RBM47: variants seen among roughly 807,000 people sequenced by gnomAD.
RBM47 encodes RNA binding motif protein 47.
A neutral mutation model predicts 47.1 loss-of-function variants in RBM47; 21 were observed. That is an observed-to-expected ratio of 0.45 (90% CI 0.32 to 0.64). The LOEUF is 0.64. Among genes scored for constraint, RBM47 ranks in the 30% least tolerant of loss-of-function variants. The probability of loss-of-function intolerance (pLI) is 0.05; values close to 1 mark genes in which losing one functional copy is unlikely to be tolerated. For missense variants in RBM47, 708 were observed against 870.9 expected (o/e 0.81, Z 2.35); for synonymous variants, 375 against 361.7 (o/e 1.04, Z -0.42).
At chr4:40,494,614 T>C (rs1455542921) in intron 2 of RBM47, among the ~76,000 whole-genome samples, 3 of 152,126 alleles carry the variant, frequency 2.0e-5, no homozygotes, top group Admixed American at 6.5e-5. Flanking sequence ...AGCACCGCAT[T>C]GAGACGAGGG....
At chr4:40,456,472 A>T (rs1372570507) in intron 3 of RBM47, among the ~76,000 whole-genome samples, 2 of 151,572 alleles carry the variant, frequency 1.3e-5, no homozygotes, top group East Asian at 3.9e-4. Flanking sequence ...TTATAGATAT[A>T]TATTTCCTGT....
chr4:40,601,131 A>C (rs987623782), intron 1 of RBM47, among the ~76,000 whole-genome samples: 2 of 152,174 alleles, frequency 1.3e-5, no homozygotes, highest in African/African-American at 4.8e-5. Flanking sequence ...GAAGAAGCAT[A>C]GCAACTGAAC....
At chr4:40,573,807 A>AAG (rs1553903539) in intron 1 of RBM47, among the ~76,000 whole-genome samples, 5 of 136,658 alleles carry the variant, frequency 3.7e-5, no homozygotes, top group Non-Finnish European at 6.1e-5. Context: ...GAAAGAAAGA[A>AAG]AAAGAAAGAA....
At chr4:40,614,192 A>C (rs1268530914) in intron 1 of RBM47, among the ~76,000 whole-genome samples, 4 of 152,132 alleles carry the variant, frequency 2.6e-5, no homozygotes, top group Non-Finnish European at 5.9e-5. Context: ...CTAACCCAGC[A>C]TTATTTCCTT....
intron 1 of RBM47, among the ~76,000 whole-genome samples, chr4:40,624,860 C>CTTTTTTT (rs1172791380): frequency 3.2e-3 from 376 of 119,334 alleles, no homozygotes; most frequent in Middle Eastern, 5.5e-3. Context: ...TTTTCTTTTT[C>CTTTTTTT]TTTTTTTTTT....
At chr4:40,521,152 ATTTTAT>A (rs934918630) in intron 2 of RBM47, among the ~76,000 whole-genome samples, 1 of 151,874 alleles carries the variant, frequency 6.6e-6, no homozygotes, top group Non-Finnish European at 1.5e-5. Flanking sequence ...TATTAATTTT[ATTTTAT>A]TTTTTATTTC....
chr4:40,509,092 T>C (rs1724517991), intron 2 of RBM47, among the ~76,000 whole-genome samples: 1 of 151,864 alleles, frequency 6.6e-6, no homozygotes, highest in Non-Finnish European at 1.5e-5. Context: ...TCTGGGAAGC[T>C]GAGGTTGTAG....
At chr4:40,436,387 G>T in intron 5 of RBM47, 54 bp downstream of exon 5, 1 of 1,539,018 alleles carries the variant, frequency 6.5e-7, no homozygotes, top group Non-Finnish European at 8.9e-7. Context: ...ACTTCAAACA[G>T]AAGGGCTGGG....
At chr4:40,484,637 T>C (rs1029078363) in intron 2 of RBM47, among the ~76,000 whole-genome samples, 10 of 152,224 alleles carry the variant, frequency 6.6e-5, no homozygotes, top group Non-Finnish European at 1.2e-4. Context: ...GACAAATCAC[T>C]GCATAATTTC....
intron 3 of RBM47, among the ~76,000 whole-genome samples, chr4:40,451,892 A>G (rs568016350): frequency 9.2e-5 from 14 of 152,274 alleles, no homozygotes; most frequent in African/African-American, 3.1e-4. Context: ...AGGGGAGGCC[A>G]GGAACAGTGG....
chr4:40,473,867 A>T (rs1719253318), intron 2 of RBM47, among the ~76,000 whole-genome samples: 1 of 152,264 alleles, frequency 6.6e-6, no homozygotes, highest in Non-Finnish European at 1.5e-5. Context: ...AAAGAAAATG[A>T]ACATACTAAC....
intron 2 of RBM47, among the ~76,000 whole-genome samples, chr4:40,521,640 G>C (rs941493084): frequency 2.6e-5 from 4 of 152,156 alleles, no homozygotes; most frequent in Non-Finnish European, 5.9e-5. Flanking sequence ...AGAGTCACAG[G>C]CTACATTACT....
Position 40,438,099 on chromosome 4 carries a change from G to T in RBM47, c.795C>A (p.Ser265Arg). 1 of 1,613,796 alleles carries T rather than the reference G, an allele frequency of 6.2e-7. No homozygotes were observed. Reference protein sequence around the residue: ...IETTEDTIKKSFGQFNPGCVE... With the variant: ...IETTEDTIKKRFGQFNPGCVE... Reference sequence around the variant, plus strand: ...CGCAGCCGGGGTTGAACTGGCCGAAGCTCTTCTTGATGGTGTCCTCGGTGG... The same window carrying T: ...CGCAGCCGGGGTTGAACTGGCCGAATCTCTTCTTGATGGTGTCCTCGGTGG... Residue 265 changes from serine to arginine, a missense_variant, in exon 4 of 7, where the codon AGC becomes AGA. By Grantham distance (110) the Ser-to-Arg change is moderately radical. Coordinates refer to ENST00000295971, the MANE Select transcript of RBM47 (RefSeq NM_001098634.2).
At chr4:40,563,427 T>C (rs1387135089) in intron 1 of RBM47, among the ~76,000 whole-genome samples, 1 of 105,614 alleles carries the variant, frequency 9.5e-6, no homozygotes, top group Non-Finnish European at 1.7e-5. Context: ...TCAAACTCTG[T>C]GCTTGTATTA....
chr4:40,550,080 C>T (rs1034397325), intron 1 of RBM47, among the ~76,000 whole-genome samples: 7 of 152,210 alleles, frequency 4.6e-5, no homozygotes, highest in African/African-American at 1.7e-4. Context: ...AGGATAACCA[C>T]CACCACAGCC....
At chr4:40,533,624 AT>A (rs1727626030) in intron 2 of RBM47, among the ~76,000 whole-genome samples, 1 of 151,820 alleles carries the variant, frequency 6.6e-6, no homozygotes, top group South Asian at 2.1e-4. Context: ...TTGTCTGTGA[AT>A]TGATTTGTCT....
intron 1 of RBM47, among the ~76,000 whole-genome samples, chr4:40,600,500 G>A (rs1408368107): frequency 2.0e-5 from 3 of 151,340 alleles, no homozygotes; most frequent in Non-Finnish European, 2.9e-5. Context: ...CGGGTGTGGT[G>A]GCGGGCGCCT....
chr4:40,576,240 GTTTTTT>G lies in RBM47; in HGVS notation c.-239-31740_-239-31735del, dbSNP rs143760914. 9.0e-3 allele frequency among the ~76,000 whole-genome samples: 1,038 copies of G among 114,964 alleles called. 13 individuals carry two copies. Among genetic ancestry groups the G allele is most frequent in the African/African-American group, 0.029 (815 of 28,098 alleles). 75.4% of individuals were successfully genotyped at this position (114,964 alleles called of 152,430 possible). ...ATTTCTTTTTTTCTTTCTCTTTTCTGTTTTTTTTTTTTTTTTGGGGGGGGGCGGAGA... is the reference window on the plus strand; with the variant it reads ...ATTTCTTTTTTTCTTTCTCTTTTCTGTTTTTTTTTTGGGGGGGGGCGGAGA... On this transcript the variant is annotated intron_variant, in intron 1 of 6. Coordinates refer to ENST00000295971, the MANE Select transcript of RBM47 (RefSeq NM_001098634.2).
At chr4:40,551,515 C>T (rs193066926) in intron 1 of RBM47, among the ~76,000 whole-genome samples, 1 of 152,062 alleles carries the variant, frequency 6.6e-6, no homozygotes, top group Admixed American at 6.6e-5. Flanking sequence ...AACAATCCTG[C>T]ATTTTATTAA....
Sources: gnomAD v4.1 joint callset for allele counts (sites outside exome capture counted in the v4.1 genomes callset) on GRCh38, gnomAD v4.1.1 for gene constraint, MANE v1.5 for transcripts, NCBI Gene and HGNC (gene_info 2026-07-23, HGNC 2026-07-21) for gene names.